SH3PXD2A: variants seen among roughly 807,000 people sequenced by gnomAD.
SH3PXD2A encodes the protein SH3 and PX domain-containing protein 2A.
A neutral mutation model predicts 115.2 loss-of-function variants in SH3PXD2A; 32 were observed. That is an observed-to-expected ratio of 0.28 (90% CI 0.21 to 0.37). The LOEUF is 0.37. Among genes scored for constraint, SH3PXD2A ranks in the 10% least tolerant of loss-of-function variants. SH3PXD2A has a pLI of 1.00. For missense variants in SH3PXD2A, 1,328 were observed against 1,498.7 expected, an observed-to-expected ratio of 0.89 and a Z score of 1.88; for synonymous variants, 610 against 629.1, an observed-to-expected ratio of 0.97 and a Z score of 0.45.
intron 1 of SH3PXD2A, among the ~76,000 whole-genome samples, chr10:103,831,509 A>T (rs189202793): frequency 1.3e-5 from 2 of 152,292 alleles, no homozygotes; most frequent in Non-Finnish European, 2.9e-5. Context: ...TAACTCATAT[A>T]CTATTAAGGT....
chr10:103,803,477 T>C (rs891233909), intron 1 of SH3PXD2A, among the ~76,000 whole-genome samples: 4 of 152,214 alleles, frequency 2.6e-5, no homozygotes, highest in African/African-American at 7.2e-5. Flanking sequence ...ATGCATTAGC[T>C]CATTTAATCT....
chr10:103,766,954 C>T (rs924559550), intron 3 of SH3PXD2A, 140 bp downstream of exon 3: 1 of 637,006 alleles, frequency 1.6e-6, no homozygotes, highest in Admixed American at 2.5e-5. Flanking sequence ...GCTTCCAAAT[C>T]CCCTGGGGGA....
intron 1 of SH3PXD2A, among the ~76,000 whole-genome samples, chr10:103,811,812 GAA>G (rs911666825): frequency 1.3e-5 from 2 of 152,182 alleles, no homozygotes; most frequent in East Asian, 3.8e-4. Context: ...TCAATTTCAT[GAA>G]AAGTTATTAT....
chr10:103,833,179 C>T (rs972926736), intron 1 of SH3PXD2A, among the ~76,000 whole-genome samples: 59 of 152,178 alleles, frequency 3.9e-4, no homozygotes, highest in Admixed American at 1.4e-3. Flanking sequence ...CTTTATGTTA[C>T]GTCTTTTCCA....
chr10:103,846,867 G>T (rs1269243008), intron 1 of SH3PXD2A, among the ~76,000 whole-genome samples: 5 of 152,180 alleles, frequency 3.3e-5, no homozygotes, highest in Non-Finnish European at 7.4e-5. Context: ...GTCAGTGCAG[G>T]CCTCTCCACA....
intron 8 of SH3PXD2A, among the ~76,000 whole-genome samples, chr10:103,655,024 T>TC (rs1008118749): frequency 1.3e-5 from 2 of 152,220 alleles, no homozygotes; most frequent in Non-Finnish European, 2.9e-5. Context: ...CCAGGCCCTT[T>TC]CCCCTCCAGC....
intron 6 of SH3PXD2A, among the ~76,000 whole-genome samples, chr10:103,681,137 G>C (rs1272711188): frequency 2.0e-5 from 3 of 152,314 alleles, no homozygotes; most frequent in Middle Eastern, 3.4e-3. Context: ...GAAATGAAAG[G>C]CAGATGGTGT....
At chr10:103,743,000 T>C (rs2134194249) in intron 3 of SH3PXD2A, among the ~76,000 whole-genome samples, 1 of 152,108 alleles carries the variant, frequency 6.6e-6, no homozygotes, top group African/African-American at 2.4e-5. Context: ...ACACAGGCAA[T>C]GCATGTGGGA....
chr10:103,822,547 T>TG (rs373325314), intron 1 of SH3PXD2A, among the ~76,000 whole-genome samples: 162 of 152,190 alleles, frequency 1.1e-3, no homozygotes, highest in African/African-American at 3.2e-3. Context: ...GAGGGCATGG[T>TG]GGGGGGGGAG....
intron 1 of SH3PXD2A, among the ~76,000 whole-genome samples, chr10:103,844,554 A>C (rs1842820728): frequency 6.6e-6 from 1 of 152,216 alleles, no homozygotes; most frequent in South Asian, 2.1e-4. Flanking sequence ...AAAAGCAACC[A>C]GGGCAAGTTC....
chr10:103,826,789 T>A (rs1231666013), intron 1 of SH3PXD2A, among the ~76,000 whole-genome samples: 1 of 152,240 alleles, frequency 6.6e-6, no homozygotes, highest in Non-Finnish European at 1.5e-5. Flanking sequence ...ATATGGTGTG[T>A]GGCACACAGT....
At chr10:103,790,449 C>T (rs1171208521) in intron 2 of SH3PXD2A, among the ~76,000 whole-genome samples, 4 of 152,100 alleles carry the variant, frequency 2.6e-5, no homozygotes, top group East Asian at 3.9e-4. Context: ...CCACCGCGCC[C>T]GGCCCAGAAA....
intron 2 of SH3PXD2A, among the ~76,000 whole-genome samples, chr10:103,788,246 C>T (rs4486547): frequency 0.054 from 8,235 of 152,228 alleles, 643 homozygotes; most frequent in East Asian, 0.29. Context: ...TCTGCGAGTA[C>T]AGCCATTTTG....
chr10:103,738,603 C>T (rs2038407563), intron 3 of SH3PXD2A, among the ~76,000 whole-genome samples: 1 of 152,184 alleles, frequency 6.6e-6, no homozygotes. Context: ...GGAGGGCCCA[C>T]AAACCTGCAT....
rs1232181390 is a variant in SH3PXD2A at position 103,598,743 on chromosome 10, G to T, written c.*3073C>A. On this transcript the variant is annotated 3_prime_UTR_variant, in exon 15 of 15. Transcript: ENST00000369774. Reference sequence around the variant, plus strand: ...ATCACAAAGCAGCTCAGTAGCTCAAGGGAAAGGCCCTCTCGCCCTGGCTAG... The same window carrying T: ...ATCACAAAGCAGCTCAGTAGCTCAATGGAAAGGCCCTCTCGCCCTGGCTAG... The T allele has an allele frequency of 6.5e-6, 1 of 152,678 alleles. No homozygotes were observed. The highest frequency in any genetic ancestry group is 1.5e-5 in the Non-Finnish European group (1 of 68,060). 9.5% of individuals were successfully genotyped at this position (152,678 alleles called of 1,614,324 possible). A position where few individuals can be genotyped will look rare whatever the true frequency, so the allele number is the denominator to read the frequency against.
At chr10:103,714,555 C>T (rs964803848) in intron 5 of SH3PXD2A, among the ~76,000 whole-genome samples, 7 of 152,356 alleles carry the variant, frequency 4.6e-5, no homozygotes, top group East Asian at 1.9e-4. Context: ...TTGTTCCCCA[C>T]GGCCAATGCC....
chr10:103,760,254 G>T (rs1365997762), intron 3 of SH3PXD2A, among the ~76,000 whole-genome samples: 1 of 152,148 alleles, frequency 6.6e-6, no homozygotes, highest in Non-Finnish European at 1.5e-5. Context: ...AGGAACAGGA[G>T]AAGTCCCAAA....
rs74587023 is a variant in SH3PXD2A at position 103,810,585 on chromosome 10, G to A, written c.73-9223C>T. 8.2e-3 allele frequency among the ~76,000 whole-genome samples: 1,248 copies of A among 152,256 alleles called. 24 individuals are homozygous for A. Among genetic ancestry groups the A allele is most frequent in the African/African-American group, 0.028 (1,150 of 41,528 alleles). ...GGCAAGTGTCTTAGACCCTCTGAGT[G>A]AGGGTTTCCTTTGCTGCGAAGTGTG... On this transcript the variant is annotated intron_variant, in intron 1 of 14. Coordinates refer to ENST00000369774, the MANE Select transcript of SH3PXD2A (RefSeq NM_001394015.1).
intron 1 of SH3PXD2A, among the ~76,000 whole-genome samples, chr10:103,846,346 C>T (rs1267356382): frequency 6.6e-6 from 1 of 152,102 alleles, no homozygotes; most frequent in Non-Finnish European, 1.5e-5. Flanking sequence ...TTCCTGTTCA[C>T]AAAAAAATGA....
Sources: gnomAD v4.1 joint callset for allele counts (sites outside exome capture counted in the v4.1 genomes callset) on GRCh38, gnomAD v4.1.1 for gene constraint, MANE v1.5 for transcripts, NCBI Gene and HGNC (gene_info 2026-07-23, HGNC 2026-07-21) for gene names.